The following TCAIM variants were observed in gnomAD, a reference collection of about 807,000 sequenced individuals.
The protein encoded by TCAIM is T cell activation inhibitor, mitochondrial, also known as T-cell activation inhibitor, mitochondrial.
A neutral mutation model predicts 58.6 loss-of-function variants in TCAIM; 36 were observed. The ratio of observed to expected loss-of-function variants is 0.61; its 90% CI spans 0.47 to 0.81. The LOEUF is 0.81. Among genes scored for constraint, TCAIM ranks in the 30% least tolerant of loss-of-function variants. TCAIM has a pLI of 0.00. For synonymous variants in TCAIM, 172 were observed against 193.6 expected (o/e 0.89, Z 0.93); for missense variants, 466 against 579.6 (o/e 0.80, Z 2.01).
intron 1 of TCAIM, among the ~76,000 whole-genome samples, chr3:44,351,628 G>A (rs9832578): frequency 0.5 from 75,772 of 151,284 alleles, 19,848 homozygotes; most frequent in East Asian, 0.8. Context: ...CCAAGTAGCT[G>A]GGATTACAGG....
At chr3:44,396,598 A>C in intron 7 of TCAIM, 101 bp downstream of exon 7, 8 of 1,438,224 alleles carry the variant, frequency 5.6e-6, no homozygotes, top group Non-Finnish European at 7.6e-6. Flanking sequence ...CTGAACTTTT[A>C]AATCTGTTCT....
chr3:44,349,576 C>T (rs1366568022), intron 1 of TCAIM, among the ~76,000 whole-genome samples: 1 of 151,996 alleles, frequency 6.6e-6, no homozygotes, highest in African/African-American at 2.4e-5. Flanking sequence ...ATGCTTGCCA[C>T]CAAAGTGAAG....
intron 10 of TCAIM, among the ~76,000 whole-genome samples, chr3:44,402,330 A>G (rs1702033678): frequency 6.6e-6 from 1 of 152,030 alleles, no homozygotes; most frequent in Non-Finnish European, 1.5e-5. Flanking sequence ...GGATTGATTG[A>G]GCCTGGGTGG....
chr3:44,343,448 A>G (rs1022991468), intron 1 of TCAIM, among the ~76,000 whole-genome samples: 7 of 152,258 alleles, frequency 4.6e-5, no homozygotes, highest in Non-Finnish European at 1.0e-4. Context: ...TACTTTTTAA[A>G]AAGTAAAAGT....
chr3:44,339,862 T>C (rs1036225575), intron 1 of TCAIM: 8 of 152,252 alleles, frequency 5.3e-5, no homozygotes, highest in African/African-American at 1.9e-4. Flanking sequence ...TAAAAGTCTT[T>C]TGAGTATTAG....
At chr3:44,354,850 G>A (rs772008785) in intron 2 of TCAIM, 39 bp downstream of exon 2, 267 of 1,595,344 alleles carry the variant, frequency 1.7e-4, no homozygotes, top group South Asian at 3.1e-4. Flanking sequence ...GTATTGTGGC[G>A]GGGGGAGGTC....
rs958893570 is a variant in TCAIM at position 44,409,448 on chromosome 3, A to G, written c.*1766A>G. 1 of 152,220 alleles carries G rather than the reference A, an allele frequency of 6.6e-6. No individual in the cohort carries two copies. Among genetic ancestry groups the G allele is most frequent in the Admixed American group, 6.5e-5 (1 of 15,276 alleles). The allele number at this position is 152,220 out of a possible 1,614,324, so 9.4% of individuals were successfully genotyped here. On this transcript the variant is annotated 3_prime_UTR_variant, in exon 11 of 11. Transcript: ENST00000342649. ...ACATAATAAATAATACATCAACCAG[A>G]TAACTGTTTTTTTCTTGTTACCCAA...
At chr3:44,371,917 A>AT (rs368832670) in intron 5 of TCAIM, among the ~76,000 whole-genome samples, 4 of 151,780 alleles carry the variant, frequency 2.6e-5, no homozygotes, top group Non-Finnish European at 4.4e-5. Flanking sequence ...TCTTACACGG[A>AT]TTTTTTTTCA....
chr3:44,361,091 T>C (rs956096810), intron 3 of TCAIM, among the ~76,000 whole-genome samples: 1 of 152,228 alleles, frequency 6.6e-6, no homozygotes, highest in Non-Finnish European at 1.5e-5. Flanking sequence ...CATTGGCATT[T>C]TCTACATTTA....
At chr3:44,378,758 C>T (rs887199115) in intron 5 of TCAIM, among the ~76,000 whole-genome samples, 8 of 150,862 alleles carry the variant, frequency 5.3e-5, no homozygotes, top group Non-Finnish European at 8.8e-5. Context: ...TTGCAGTGAG[C>T]CGAGATCACT....
At chr3:44,398,362 G>A (rs1022419110) in intron 8 of TCAIM, among the ~76,000 whole-genome samples, 14 of 152,184 alleles carry the variant, frequency 9.2e-5, no homozygotes, top group African/African-American at 1.4e-4. Flanking sequence ...CCCGGGAGAC[G>A]GAAGTTGCAG....
chr3:44,366,279 C>G (rs1701372311), intron 4 of TCAIM, among the ~76,000 whole-genome samples: 1 of 151,204 alleles, frequency 6.6e-6, no homozygotes, highest in Non-Finnish European at 1.5e-5. Context: ...TACCCAACAT[C>G]AAAATCAGTA....
At chr3:44,389,327 GTCTT>G (rs1407234125) in intron 5 of TCAIM, among the ~76,000 whole-genome samples, 1 of 152,150 alleles carries the variant, frequency 6.6e-6, no homozygotes, top group African/African-American at 2.4e-5. Flanking sequence ...CATGTTGAGA[GTCTT>G]TGTTTTTACT....
chr3:44,399,785 T>G (rs1701993829), intron 8 of TCAIM, among the ~76,000 whole-genome samples: 2 of 152,314 alleles, frequency 1.3e-5, no homozygotes, highest in South Asian at 4.1e-4. Flanking sequence ...TCAGCCTGAT[T>G]TGGCATTTAG....
rs780492580 is a variant in TCAIM at position 44,407,796 on chromosome 3, G to A, written c.*114G>A. 9.8e-5 allele frequency: 112 copies of A among 1,138,690 alleles called. No homozygotes were observed. The highest frequency in any genetic ancestry group is 1.3e-4 in the Non-Finnish European group (106 of 845,502). 70.5% of individuals were successfully genotyped at this position (1,138,690 alleles called of 1,614,324 possible). ...TTACATAAGAACAAAGTTTCTAACT[G>A]CTGCTTTAAAAGTAGACTTTTTTAA... On this transcript the variant is annotated 3_prime_UTR_variant, in exon 11 of 11. Coordinates refer to ENST00000342649, the MANE Select transcript of TCAIM (RefSeq NM_173826.4).
rs139568727 is a variant in TCAIM at position 44,354,787 on chromosome 3, T to C, written c.5T>C (p.Phe2Ser). Residue 2 changes from phenylalanine to serine, a missense_variant, in exon 2 of 11, where the codon TTT becomes TCT. Physicochemically the swap from Phe to Ser is radical, Grantham distance 155. Coordinates refer to ENST00000342649, the MANE Select transcript of TCAIM (RefSeq NM_173826.4). MFCHLRPMRRLC... is the reference protein window; with the variant it reads MSCHLRPMRRLC... ...GACGTACATATATATTCAGAAATGT[T>C]TTGCCACCTGAGACCTATGAGGAGG... 6.2e-7 allele frequency: 1 copy of C among 1,611,472 alleles called. No individual in the cohort carries two copies. Among genetic ancestry groups the C allele is most frequent in the African/African-American group, 1.3e-5 (1 of 74,972 alleles).
chr3:44,381,895 A>G (rs1392271033), intron 5 of TCAIM, among the ~76,000 whole-genome samples: 3 of 152,222 alleles, frequency 2.0e-5, no homozygotes, highest in African/African-American at 7.2e-5. Flanking sequence ...ATCAGAAAAG[A>G]TAAAATGCTT....
intron 4 of TCAIM, among the ~76,000 whole-genome samples, chr3:44,363,620 A>G (rs1701324871): frequency 6.6e-6 from 1 of 152,208 alleles, no homozygotes; most frequent in African/African-American, 2.4e-5. Context: ...TTGGTGGTTC[A>G]TGAGGAAGTA....
At chr3:44,381,533 C>T (rs964257561) in intron 5 of TCAIM, among the ~76,000 whole-genome samples, 3 of 152,132 alleles carry the variant, frequency 2.0e-5, no homozygotes, top group African/African-American at 7.2e-5. Flanking sequence ...ACATCATTCT[C>T]AGTAGTAAAA....
Sources: allele counts gnomAD v4.1 joint callset (sites outside exome capture counted in the v4.1 genomes callset), GRCh38; gene constraint gnomAD v4.1.1; transcripts MANE v1.5; gene names NCBI Gene and HGNC (gene_info 2026-07-23, HGNC 2026-07-21).